The following DYM variants were observed in gnomAD, a reference collection of about 807,000 sequenced individuals.
The protein encoded by DYM is dyggve-Melchior-Clausen syndrome protein.
Under a neutral mutation model 93.1 loss-of-function variants are expected in DYM, and 78 were observed. That is an observed-to-expected ratio of 0.84 (90% CI 0.70 to 1.01). DYM has a LOEUF of 1.01. DYM is among the 50% of genes least tolerant of loss of function. The pLI is 0.00. For synonymous variants in DYM, 321 were observed against 319.7 expected (o/e 1.00, Z -0.04); for missense variants, 789 against 845.0 (o/e 0.93, Z 0.82).
intron 5 of DYM, among the ~76,000 whole-genome samples, chr18:49,375,891 T>C (rs536346266): frequency 1.8e-4 from 27 of 152,298 alleles, no homozygotes; most frequent in Non-Finnish European, 2.9e-4. Context: ...CTGGCCTTCA[T>C]CTTTCTCCCA....
chr18:49,406,390 G>A lies in DYM; in HGVS notation c.141-14745C>T, dbSNP rs187211817. On this transcript the variant is annotated intron_variant, in intron 2 of 17. Coordinates refer to ENST00000675505, the MANE Select transcript of DYM (RefSeq NM_001353214.3). ...TCTGGCCCCAAAGTGGTGAAACCCC[G>A]TCTCTACTAAAAATACAAAAATTAG... 3.3e-3 allele frequency among the ~76,000 whole-genome samples: 500 copies of A among 151,848 alleles called. 9 individuals are homozygous for A. Among genetic ancestry groups the A allele is most frequent in the South Asian group, 4.2e-4 (2 of 4,800 alleles).
chr18:49,168,225 C>CTATA (rs913018272), intron 14 of DYM, among the ~76,000 whole-genome samples: 11 of 149,352 alleles, frequency 7.4e-5, no homozygotes, highest in African/African-American at 2.5e-4. Context: ...CCCTCTCTCT[C>CTATA]TATATATATA....
rs1167152233 is a variant in DYM, at chr18:49,344,577, A to G, written c.495-10724T>C. Among the ~76,000 whole-genome samples the G allele has an allele frequency of 1.5e-4, 23 of 152,232 alleles. 1 individual carries two copies. The highest frequency in any genetic ancestry group is 1.4e-3 in the Admixed American group (21 of 15,284). On this transcript the variant is annotated intron_variant, in intron 6 of 17. Coordinates refer to ENST00000675505, the MANE Select transcript of DYM (RefSeq NM_001353214.3). ...CAGTTATCTCTCCCGTGAGAAATCT[A>G]TCAGGAAGAAGAGTAGACATTTCTT...
At chr18:49,094,357 G>C (rs2079357104) in intron 17 of DYM, among the ~76,000 whole-genome samples, 1 of 152,136 alleles carries the variant, frequency 6.6e-6, no homozygotes, top group South Asian at 2.1e-4. Flanking sequence ...TGAGAGCTTT[G>C]AGCTGCGGCT....
intron 16 of DYM, among the ~76,000 whole-genome samples, chr18:49,103,843 C>G (rs9950414): frequency 6.0e-5 from 9 of 150,852 alleles, no homozygotes; most frequent in Non-Finnish European, 1.0e-4. Context: ...AGTCAGGTAG[C>G]GTGATGCCTC....
At chr18:49,372,193 C>T (rs555877525) in intron 5 of DYM, among the ~76,000 whole-genome samples, 1 of 152,320 alleles carries the variant, frequency 6.6e-6, no homozygotes, top group East Asian at 1.9e-4. Context: ...TCTTCAGCTA[C>T]TGCATGGTGA....
intron 6 of DYM, among the ~76,000 whole-genome samples, chr18:49,358,983 T>C (rs1284126651): frequency 1.3e-5 from 2 of 152,210 alleles, no homozygotes; most frequent in East Asian, 3.8e-4. Context: ...TCTGCGGCTA[T>C]GGCCACACCT....
At chr18:49,283,677 C>A (rs754174757) in intron 9 of DYM, among the ~76,000 whole-genome samples, 1 of 152,174 alleles carries the variant, frequency 6.6e-6, no homozygotes, top group Admixed American at 6.5e-5. Context: ...AATATTTTTA[C>A]GTTCTAAAAA....
intron 14 of DYM, among the ~76,000 whole-genome samples, chr18:49,177,962 A>G (rs995905189): frequency 6.6e-6 from 1 of 152,152 alleles, no homozygotes; most frequent in Non-Finnish European, 1.5e-5. Flanking sequence ...AACCAATCAT[A>G]TATTTACAGT....
At chr18:49,085,391 C>A (rs1174721878) in intron 17 of DYM, among the ~76,000 whole-genome samples, 3 of 152,106 alleles carry the variant, frequency 2.0e-5, no homozygotes, top group Non-Finnish European at 4.4e-5. Flanking sequence ...AGACACAAAT[C>A]GTCTCCAACT....
At chr18:49,215,286 TTCC>T (rs1395973881) in intron 13 of DYM, among the ~76,000 whole-genome samples, 1 of 152,206 alleles carries the variant, frequency 6.6e-6, no homozygotes, top group Non-Finnish European at 1.5e-5. Flanking sequence ...GGTTTTCAGA[TTCC>T]TCGTCAGTCT....
chr18:49,216,802 G>GAAAAAACAGAGCA (rs1368913220), intron 13 of DYM, among the ~76,000 whole-genome samples: 1 of 152,088 alleles, frequency 6.6e-6, no homozygotes, highest in African/African-American at 2.4e-5. Context: ...CAAAGATGGG[G>GAAAAAACAGAGCA]AAAAAACAGA....
chr18:49,166,965 C>T (rs1401395315), intron 14 of DYM, among the ~76,000 whole-genome samples: 1 of 149,320 alleles, frequency 6.7e-6, no homozygotes, highest in Non-Finnish European at 1.5e-5. Context: ...GTTTAGCAAA[C>T]CTGGGATGTT....
chr18:49,212,666 T>A (rs2092836646), intron 13 of DYM, among the ~76,000 whole-genome samples: 1 of 152,142 alleles, frequency 6.6e-6, no homozygotes, highest in Non-Finnish European at 1.5e-5. Context: ...CAGCTAATTT[T>A]TAAAATTTTT....
Position 49,257,026 on chromosome 18 carries a change from C to A in DYM, c.1444G>T (p.Ala482Ser). ...CATATTTACCTGATGATCCTCTGGG[C>A]AGCATACTGATGGAGAGAACGAAAC... ...AQFRSLHQYA[A>S]QRIISYTCRH... The change falls in exon 13 of 18, where the codon GCC (alanine) becomes TCC (serine). Residue 482 changes from alanine (A) to serine (S), a missense_variant. Ala to Ser is a moderately conservative substitution (Grantham distance 99). This residue lies in a region of DYM where 225 missense variants were observed against 303.0 expected (regional missense o/e 0.74). Coordinates refer to ENST00000675505, the MANE Select transcript of DYM (RefSeq NM_001353214.3). 6.2e-7 allele frequency: 1 copy of A among 1,613,502 alleles called. No homozygotes were observed.
intron 13 of DYM, among the ~76,000 whole-genome samples, chr18:49,212,107 C>T (rs2092811730): frequency 6.6e-6 from 1 of 151,874 alleles, no homozygotes; most frequent in African/African-American, 2.4e-5. Context: ...GGACATTCTA[C>T]AAATAAACAA....
intron 10 of DYM, among the ~76,000 whole-genome samples, chr18:49,276,780 G>A (rs536027544): frequency 6.6e-6 from 1 of 152,210 alleles, no homozygotes; most frequent in South Asian, 2.1e-4. Flanking sequence ...AAGTAGGGAA[G>A]TGACATGATC....
At chr18:49,103,300 T>A (rs1047024281) in intron 16 of DYM, among the ~76,000 whole-genome samples, 7 of 152,220 alleles carry the variant, frequency 4.6e-5, no homozygotes, top group Non-Finnish European at 1.0e-4. Context: ...TCATTGTAGA[T>A]TCTGGATATT....
At chr18:49,315,476 C>T (rs912001390) in intron 8 of DYM, among the ~76,000 whole-genome samples, 17 of 152,120 alleles carry the variant, frequency 1.1e-4, no homozygotes, top group African/African-American at 3.1e-4. Flanking sequence ...AAACTTCAGA[C>T]GCAAGAACAA....
Sources: gnomAD v4.1 joint callset for allele counts (sites outside exome capture counted in the v4.1 genomes callset) on GRCh38, gnomAD v4.1.1 for gene constraint, gnomAD v4.1.1 regional missense constraint, MANE v1.5 for transcripts, NCBI Gene and HGNC (gene_info 2026-07-23, HGNC 2026-07-21) for gene names.